MPP3: variants seen among roughly 807,000 people sequenced by gnomAD.
MPP3 encodes MAGUK p55 scaffold protein 3.
Under a neutral mutation model 80.7 loss-of-function variants are expected in MPP3, and 48 were observed. The ratio of observed to expected loss-of-function variants is 0.59; its 90% CI spans 0.47 to 0.76. The LOEUF is 0.76. MPP3 is among the 30% of genes least tolerant of loss of function. The probability of loss-of-function intolerance (pLI) is 0.00; values close to 1 mark genes in which losing one functional copy is unlikely to be tolerated. For missense variants in MPP3, 620 were observed against 763.0 expected, an observed-to-expected ratio of 0.81 and a Z score of 2.21; for synonymous variants, 311 against 297.6, an observed-to-expected ratio of 1.04 and a Z score of -0.46.
intron 16 of MPP3, among the ~76,000 whole-genome samples, chr17:43,811,932 G>C (rs1050815709): frequency 2.0e-5 from 3 of 152,154 alleles, no homozygotes; most frequent in African/African-American, 7.2e-5. Context: ...GGGACCCCTA[G>C]TCCTAACTTT....
At position 43,825,830 on chromosome 17, in the gene MPP3, C is replaced by T. The variant is rs754313885; in HGVS notation, c.535G>A (p.Val179Ile). 12 of 1,609,660 alleles carry T rather than the reference C, an allele frequency of 7.5e-6. No individual in the cohort carries two copies. The highest frequency in any genetic ancestry group is 4.5e-5 in the East Asian group (2 of 44,860). ...TTCACTTCTCGGAGCTCATCTCCAA[C>T]GTGGACCAGGCCTAGGAGACACAGG... ...GAADRSGLVH[V>I]GDELREVNGI... Residue 179 changes from valine to isoleucine, a missense_variant, in exon 9 of 20, where the codon GTT becomes ATT. Coordinates refer to ENST00000398389, the MANE Select transcript of MPP3 (RefSeq NM_001932.6).
intron 12 of MPP3, 82 bp downstream of exon 12, chr17:43,817,964 T>C (rs943573347): frequency 4.6e-6 from 5 of 1,078,914 alleles, no homozygotes; most frequent in Non-Finnish European, 6.3e-6. Context: ...TCCAGCCCAC[T>C]GCCTACTTCT....
chr17:43,821,994 C>T (rs2045484235), intron 10 of MPP3, among the ~76,000 whole-genome samples: 1 of 152,180 alleles, frequency 6.6e-6, no homozygotes, highest in South Asian at 2.1e-4. Context: ...CCAAATCAAG[C>T]ATCTGGATCA....
chr17:43,831,438 G>A (rs541747922), intron 4 of MPP3, 117 bp from the exon 5 acceptor site: 1 of 1,343,730 alleles, frequency 7.4e-7, no homozygotes, highest in South Asian at 1.2e-5. Flanking sequence ...AGAAAGTCCT[G>A]TGTAGTGGGC....
In MPP3 at chr17:43,827,791, C is replaced by T; in HGVS notation, c.483G>A (p.Val161=). The change falls in exon 8 of 20, where the codon GTG becomes GTA. Residue 161 remains valine (V), a synonymous_variant. Coordinates refer to ENST00000398389, the MANE Select transcript of MPP3 (RefSeq NM_001932.6). ...IRRDEHSGAV[V]VARIMRGGAA... Reference sequence around the variant, plus strand: ...CGCCTCCTCGCATGATCCTGGCCACCACAACAGCCCCTGAGTGCTCGTCCC... The same window carrying T: ...CGCCTCCTCGCATGATCCTGGCCACTACAACAGCCCCTGAGTGCTCGTCCC... 1 of 1,613,046 alleles carries T rather than the reference C, an allele frequency of 6.2e-7. No individual in the cohort carries two copies. Among genetic ancestry groups the T allele is most frequent in the Non-Finnish European group, 8.5e-7 (1 of 1,180,026 alleles).
In MPP3 at chr17:43,816,668, T is replaced by C; in HGVS notation, c.967+9A>G. 1.9e-6 allele frequency: 3 copies of C among 1,573,916 alleles called. No homozygotes were observed. Among genetic ancestry groups the C allele is most frequent in the Non-Finnish European group, 1.7e-6 (2 of 1,158,974 alleles). On this transcript the variant is annotated intron_variant, in intron 13 of 19. Transcript: ENST00000398389. ...ACGCCTGTGGACAGCGGATAGATAC[T>C]GGGCCTACCTTTGTCACAAGGCTGA... is the stretch of plus-strand genomic sequence containing the variant.
At chr17:43,820,568 G>A (rs1233181580) in intron 11 of MPP3, among the ~76,000 whole-genome samples, 2 of 146,814 alleles carry the variant, frequency 1.4e-5, no homozygotes, top group East Asian at 3.9e-4. Flanking sequence ...TCCAGCCTGG[G>A]TGACAGAGGG....
At position 43,809,739 on chromosome 17, in the gene MPP3, C is replaced by T. The variant is rs189067660; in HGVS notation, c.1459-661G>A. Among the ~76,000 whole-genome samples, 658 of 152,092 alleles carry T rather than the reference C, an allele frequency of 4.3e-3. 7 individuals carry two copies. The highest frequency in any genetic ancestry group is 0.015 in the African/African-American group (628 of 41,492). ...CTAAAAATACAAAAAATTAGCCAGG[C>T]GTGGTGGCGGGCACCTGTAGTCCCA... On this transcript the variant is annotated intron_variant, in intron 18 of 19. Transcript: ENST00000398389.
rs1471973556 is a variant in MPP3, at chr17:43,810,826, A to G, written c.1439T>C (p.Leu480Ser). The change falls in exon 18 of 20, where the codon TTG becomes TCG. Residue 480 changes from leucine to serine, a missense_variant. By Grantham distance (145) the Leu-to-Ser change is moderately radical. Coordinates refer to ENST00000398389, the MANE Select transcript of MPP3 (RefSeq NM_001932.6). ...QAVMAKNKVCLVDVEPEALKQ... is the reference protein window; with the variant it reads ...QAVMAKNKVCSVDVEPEALKQ... ...ACTCACTTCTGGCTCCACATCCACCAAACAAACTTTGTTTTTGGCCATAAC... is the reference window on the plus strand; with the variant it reads ...ACTCACTTCTGGCTCCACATCCACCGAACAAACTTTGTTTTTGGCCATAAC... 1 of 1,608,286 alleles carries G rather than the reference A, an allele frequency of 6.2e-7. No homozygotes were observed. Among genetic ancestry groups the G allele is most frequent in the East Asian group, 2.2e-5 (1 of 44,860 alleles).
At chr17:43,811,268 G>T in intron 16 of MPP3, 63 bp from the exon 17 acceptor site, 1 of 1,271,970 alleles carries the variant, frequency 7.9e-7, no homozygotes, top group African/African-American at 1.5e-5. Flanking sequence ...AGGGACAGCA[G>T]CAGGCTTAGG....
chr17:43,831,494 G>A, intron 4 of MPP3, 65 bp downstream of exon 4: 1 of 1,384,790 alleles, frequency 7.2e-7, no homozygotes, highest in South Asian at 1.2e-5. Flanking sequence ...GATGACCTCA[G>A]ACGGCCACAG....
chr17:43,821,159 G>A, intron 10 of MPP3, 101 bp from the exon 11 acceptor site: 1 of 1,137,386 alleles, frequency 8.8e-7, no homozygotes, highest in South Asian at 1.4e-5. Context: ...CCACACTTAG[G>A]AGGACCAAGT....
chr17:43,832,226 ACAG>A (rs1016182277), intron 2 of MPP3: 1 of 442,184 alleles, frequency 2.3e-6, no homozygotes, highest in African/African-American at 2.1e-5. Flanking sequence ...TGATGAAGAA[ACAG>A]CGGCGTGGAA....
chr17:43,832,722 T>TCCGCCCCGCC (rs930551255), intron 2 of MPP3, 39 bp downstream of exon 2: 11 of 152,220 alleles, frequency 7.2e-5, no homozygotes, highest in African/African-American at 2.2e-4. Context: ...CCCTCCAGCC[T>TCCGCCCCGCC]CCGCCCCGCC....
In MPP3 at chr17:43,814,258, G is replaced by GT; in HGVS notation, c.1112dup (p.Tyr371Ter). 6.2e-7 allele frequency: 1 copy of GT among 1,613,426 alleles called. No homozygotes were observed. The highest frequency in any genetic ancestry group is 8.5e-7 in the Non-Finnish European group (1 of 1,179,996). ...SGAESPELLT[Y>*]EEVARYQHQP... Reference sequence around the variant, plus strand: ...GGTGTTGGTACCTGGCCACCTCTTCGTAAGTCAGCAGCTCCGGAGACTCAG... The same window carrying GT: ...GGTGTTGGTACCTGGCCACCTCTTCGTTAAGTCAGCAGCTCCGGAGACTCAG... The change falls in exon 15 of 20, where the codon TAC becomes TAAC. Residue 371 changes from tyrosine (Y) to a stop codon, truncating the protein, a stop_gained and frameshift_variant. Transcript: ENST00000398389. LOFTEE classifies it high-confidence loss of function.
Position 43,820,981 on chromosome 17 carries a change from G to A in MPP3, c.762C>T (p.Phe254=). 6.2e-7 allele frequency: 1 copy of A among 1,613,214 alleles called. No individual in the cohort carries two copies. The highest frequency in any genetic ancestry group is 8.5e-7 in the Non-Finnish European group (1 of 1,179,894). The part of the protein sequence containing the change: ...AIPCQEAGLP[F]QRRQVLEVVS... ...CCACCTCCAGGACCTGCCTGCGCTG[G>A]AAGGGCAGGCCCGCCTCCTGGCAAG... The change falls in exon 11 of 20, where the codon TTC becomes TTT. Residue 254 remains phenylalanine, a synonymous_variant. Transcript: ENST00000398389.
intron 19 of MPP3, among the ~76,000 whole-genome samples, chr17:43,807,967 AT>A (rs2044689315): frequency 6.6e-6 from 1 of 151,722 alleles, no homozygotes; most frequent in Non-Finnish European, 1.5e-5. Flanking sequence ...CCCCAAAAAA[AT>A]AAAAGGCTGG....
At chr17:43,814,524 A>G in intron 14 of MPP3, 163 bp from the exon 15 acceptor site, 1 of 622,696 alleles carries the variant, frequency 1.6e-6, no homozygotes, top group South Asian at 2.5e-5. Flanking sequence ...AGGAAATACA[A>G]TAATAAGATG....
At chr17:43,802,059 A>G (rs895250303) in intron 19 of MPP3, among the ~76,000 whole-genome samples, 182 bp from the exon 20 acceptor site, 3 of 152,222 alleles carry the variant, frequency 2.0e-5, no homozygotes, top group Non-Finnish European at 4.4e-5. Flanking sequence ...GTCAAACTTC[A>G]AAGAAAGTTA....
Sources: allele counts gnomAD v4.1 joint callset (sites outside exome capture counted in the v4.1 genomes callset), GRCh38; gene constraint gnomAD v4.1.1; transcripts MANE v1.5; gene names NCBI Gene and HGNC (gene_info 2026-07-23, HGNC 2026-07-21).